The following ADCY9 variants were observed in gnomAD, a reference collection of about 807,000 sequenced individuals.
ADCY9 encodes adenylate cyclase 9, also known as adenylate cyclase type 9.
Under a neutral mutation model 101.5 loss-of-function variants are expected in ADCY9, and 50 were observed. The ratio of observed to expected loss-of-function variants is 0.49; its 90% CI spans 0.39 to 0.62. ADCY9 has a LOEUF of 0.62. ADCY9 is among the 20% of genes least tolerant of loss of function. The probability of loss-of-function intolerance (pLI) is 0.00; values close to 1 mark genes in which losing one functional copy is unlikely to be tolerated. For missense variants in ADCY9, 1,662 were observed against 1,800.4 expected, an observed-to-expected ratio of 0.92 and a Z score of 1.39; for synonymous variants, 905 against 769.3, an observed-to-expected ratio of 1.18 and a Z score of -2.92.
chr16:4,097,450 TTACATATATATATATATATATA>T (rs2057011034), intron 2 of ADCY9, among the ~76,000 whole-genome samples: 1 of 26,890 alleles, frequency 3.7e-5, no homozygotes, highest in Non-Finnish European at 7.7e-5. Flanking sequence ...ACATGTGGAG[TTACATATATATATATATATATA>T]TATATATATA....
At chr16:4,010,549 C>A (rs764322207) in intron 2 of ADCY9, among the ~76,000 whole-genome samples, 13 of 152,222 alleles carry the variant, frequency 8.5e-5, no homozygotes, top group Non-Finnish European at 1.8e-4. Context: ...CTGTTTACTA[C>A]ACACTGATGG....
chr16:3,995,729 A>C (rs1052264113), intron 3 of ADCY9, among the ~76,000 whole-genome samples: 11 of 152,140 alleles, frequency 7.2e-5, no homozygotes, highest in African/African-American at 2.7e-4. Flanking sequence ...CTAAGGGCAA[A>C]GATATGACCC....
intron 3 of ADCY9, among the ~76,000 whole-genome samples, chr16:4,002,694 T>C (rs927231926): frequency 1.3e-5 from 2 of 152,212 alleles, no homozygotes; most frequent in African/African-American, 2.4e-5. Context: ...AGAAGTAATG[T>C]GATACAAGTA....
chr16:3,968,799 G>C (rs2056021782), intron 10 of ADCY9, among the ~76,000 whole-genome samples: 1 of 151,672 alleles, frequency 6.6e-6, no homozygotes, highest in Admixed American at 6.6e-5. Flanking sequence ...AATTTCCTTA[G>C]AAATTTCCAA....
chr16:4,045,191 T>A (rs111744843), intron 2 of ADCY9, among the ~76,000 whole-genome samples: 1 of 152,026 alleles, frequency 6.6e-6, no homozygotes, highest in Non-Finnish European at 1.5e-5. Flanking sequence ...GGTAGACACT[T>A]GACAAATATT....
chr16:4,074,542 A>G (rs912928292), intron 2 of ADCY9, among the ~76,000 whole-genome samples: 1 of 151,356 alleles, frequency 6.6e-6, no homozygotes. Context: ...AAAAAAAAAA[A>G]AACAAAATTT....
At position 4,041,919 on chromosome 16, in the gene ADCY9, G is replaced by GTTT. The variant is rs750737772; in HGVS notation, c.1694-34364_1694-34362dup. On this transcript the variant is annotated intron_variant, in intron 2 of 10. Transcript: ENST00000294016. ...GGGATGTGCCACTGCCCCCAGCTAA[G>GTTT]TTTTTTTTTTTTTTTTTTTTTTGAG... 9.9e-3 allele frequency among the ~76,000 whole-genome samples: 997 copies of GTTT among 100,438 alleles called. 42 individuals are homozygous for GTTT. The highest frequency in any genetic ancestry group is 0.021 in the African/African-American group (538 of 25,114). 65.9% of individuals were successfully genotyped at this position (100,438 alleles called of 152,430 possible). A position where few individuals can be genotyped will look rare whatever the true frequency, so the allele number is the denominator to read the frequency against.
intron 5 of ADCY9, among the ~76,000 whole-genome samples, chr16:3,953,716 G>A (rs933582910): frequency 3.9e-5 from 6 of 152,216 alleles, no homozygotes; most frequent in Non-Finnish European, 8.8e-5. Context: ...GGAAGCTTCA[G>A]CCAGTGTGTG....
chr16:4,052,983 T>C (rs1405852558), intron 2 of ADCY9, among the ~76,000 whole-genome samples: 1 of 152,230 alleles, frequency 6.6e-6, no homozygotes, highest in Non-Finnish European at 1.5e-5. Context: ...AAGAGTCACA[T>C]GCTGTTATTC....
chr16:3,958,120 G>A (rs946097072), downstream of ADCY9, among the ~76,000 whole-genome samples: 1 of 152,150 alleles, frequency 6.6e-6, no homozygotes, highest in African/African-American at 2.4e-5. Flanking sequence ...AAGAGCAGCG[G>A]GGGCTCTGCG....
intron 3 of ADCY9, among the ~76,000 whole-genome samples, chr16:4,001,323 C>T (rs71388553): frequency 0.054 from 8,241 of 152,240 alleles, 290 homozygotes; most frequent in Non-Finnish European, 0.085. Flanking sequence ...TTTGAAGTCC[C>T]GGCCAGGCAT....
At chr16:4,057,371 G>A (rs1190713472) in intron 2 of ADCY9, among the ~76,000 whole-genome samples, 1 of 152,014 alleles carries the variant, frequency 6.6e-6, no homozygotes, top group Non-Finnish European at 1.5e-5. Flanking sequence ...GTGGTGTCTA[G>A]CATATTCACA....
chr16:4,105,150 T>C (rs1421547018), intron 2 of ADCY9, among the ~76,000 whole-genome samples: 1 of 152,212 alleles, frequency 6.6e-6, no homozygotes, highest in East Asian at 1.9e-4. Flanking sequence ...AGTGCCACCC[T>C]TCTCATCAAA....
intron 2 of ADCY9, among the ~76,000 whole-genome samples, chr16:4,009,420 T>C (rs2056388729): frequency 6.6e-6 from 1 of 152,156 alleles, no homozygotes; most frequent in Non-Finnish European, 1.5e-5. Context: ...TATGTCCAAC[T>C]ATTTCTTTCT....
chr16:3,984,824 G>A (rs1234810139), intron 6 of ADCY9, among the ~76,000 whole-genome samples: 5 of 152,208 alleles, frequency 3.3e-5, no homozygotes, highest in Admixed American at 1.3e-4. Flanking sequence ...GGAGACGCAC[G>A]GAGCGGAAAG....
intron 2 of ADCY9, among the ~76,000 whole-genome samples, chr16:4,088,614 G>A (rs150562087): frequency 6.6e-6 from 1 of 152,012 alleles, no homozygotes; most frequent in Admixed American, 6.6e-5. Context: ...TTATGAACAA[G>A]ATCCTGAAGC....
At chr16:4,092,933 T>C (rs1019534886) in intron 2 of ADCY9, among the ~76,000 whole-genome samples, 1 of 152,194 alleles carries the variant, frequency 6.6e-6, no homozygotes, top group African/African-American at 2.4e-5. Context: ...CCAAAAAAAT[T>C]ATTTTTTAAA....
intron 10 of ADCY9, among the ~76,000 whole-genome samples, chr16:3,967,336 CTTTTT>C (rs2056008238): frequency 6.8e-6 from 1 of 146,020 alleles, no homozygotes; most frequent in African/African-American, 2.5e-5. Flanking sequence ...TTTTTCTTTT[CTTTTT>C]CTTTTTCTTT....
At chr16:4,066,746 GA>G (rs892076625) in intron 2 of ADCY9, among the ~76,000 whole-genome samples, 40 of 151,322 alleles carry the variant, frequency 2.6e-4, no homozygotes, top group Non-Finnish European at 1.0e-4. Context: ...TGAGATCCAT[GA>G]AAAAAAAGTG....
Sources: allele counts gnomAD v4.1 joint callset (sites outside exome capture counted in the v4.1 genomes callset), GRCh38; gene constraint gnomAD v4.1.1; transcripts MANE v1.5; gene names NCBI Gene and HGNC (gene_info 2026-07-23, HGNC 2026-07-21).